Variants in PATJ observed in about 807,000 individuals in gnomAD.
The protein encoded by PATJ is PATJ crumbs cell polarity complex component.
Under a neutral mutation model 224.9 loss-of-function variants are expected in PATJ, and 190 were observed. The observed-to-expected ratio is 0.84, with a 90% CI of 0.75 to 0.95. The LOEUF (loss-of-function observed/expected upper bound fraction) is 0.95, where lower values mean the gene tolerates loss of function less well. Ranked by LOEUF, PATJ falls within the 40% of genes least tolerant of loss-of-function variation. The pLI is 0.00. For synonymous variants in PATJ, 769 were observed against 820.3 expected, an observed-to-expected ratio of 0.94 and a Z score of 1.07; for missense variants, 2,121 against 2,270.3, an observed-to-expected ratio of 0.93 and a Z score of 1.34.
intron 43 of PATJ, among the ~76,000 whole-genome samples, chr1:62,158,821 C>T (rs541214011): frequency 4.0e-5 from 6 of 150,652 alleles, no homozygotes; most frequent in East Asian, 2.0e-4. Context: ...TGGTGGCAGA[C>T]GCCTGTAATA....
chr1:61,891,689 A>G (rs934909641), intron 22 of PATJ, among the ~76,000 whole-genome samples: 1 of 152,230 alleles, frequency 6.6e-6, no homozygotes, highest in African/African-American at 2.4e-5. Flanking sequence ...AGGCCAGAAG[A>G]GACGTAATGT....
chr1:61,991,382 T>G lies in PATJ; in HGVS notation c.3867+1018T>G, dbSNP rs533389933. The G allele has an allele frequency of 1.1e-5, 5 of 468,430 alleles. No individual in the cohort carries two copies. In the East Asian group the frequency reaches 7.6e-4, roughly 71 times the overall value. The allele number at this position is 468,430 out of a possible 1,614,324, so 29.0% of individuals were successfully genotyped here. On this transcript the variant is annotated intron_variant, in intron 28 of 43. Coordinates refer to ENST00000642238, the MANE Select transcript of PATJ (RefSeq NM_001350145.3). ...CCTATTTGTTAAAATGTTCCAACTT[T>G]AGGACATTTAGGGGAGCTAAATCAT...
intron 22 of PATJ, 40 bp downstream of exon 22, chr1:61,884,448 G>C (rs775741776): frequency 1.7e-5 from 11 of 651,984 alleles, no homozygotes; most frequent in Non-Finnish European, 2.3e-5. Flanking sequence ...TTATAAAATA[G>C]TGGTTTTTTT....
chr1:62,020,280 G>A (rs934701658), intron 29 of PATJ, among the ~76,000 whole-genome samples: 2 of 152,142 alleles, frequency 1.3e-5, no homozygotes, highest in Non-Finnish European at 2.9e-5. Flanking sequence ...AATGTACTAT[G>A]TACATATGCA....
chr1:61,929,211 A>G (rs1295400428), intron 27 of PATJ, among the ~76,000 whole-genome samples: 4 of 151,920 alleles, frequency 2.6e-5, no homozygotes, highest in Admixed American at 2.6e-4. Flanking sequence ...AATTGTTGTT[A>G]CTCCATACAT....
rs1668829024 is a variant in PATJ, at chr1:62,153,402, G to T, written c.5423G>T (p.Gly1808Val). The T allele has an allele frequency of 8.1e-7, 1 of 1,231,574 alleles. No homozygotes were observed. Among genetic ancestry groups the T allele is most frequent in the Non-Finnish European group, 1.0e-6 (1 of 987,576 alleles). The allele number at this position is 1,231,574 out of a possible 1,614,324, so 76.3% of individuals were successfully genotyped here. ...ATTACTTTGGAGAAAGGCTCTGAAG[G>T]CTTGGGGTTTAGTATTGTAGGGGGT... Reference protein sequence around the residue: ...KIITLEKGSEGLGFSIVGGYG... With the variant: ...KIITLEKGSEVLGFSIVGGYG... Residue 1808 changes from glycine (G) to valine (V), a missense_variant, in exon 43 of 44, where the codon GGC (glycine) becomes GTC (valine). By Grantham distance (109) the Gly-to-Val change is moderately radical. Coordinates refer to ENST00000642238, the MANE Select transcript of PATJ (RefSeq NM_001350145.3).
intron 31 of PATJ, among the ~76,000 whole-genome samples, chr1:62,064,327 CTT>C (rs201359731): frequency 4.5e-4 from 61 of 135,682 alleles, no homozygotes; most frequent in Admixed American, 5.3e-4. Context: ...AGCCATAATG[CTT>C]TTTTTTTTTT....
At chr1:61,901,927 T>C (rs1671214020) in intron 24 of PATJ, among the ~76,000 whole-genome samples, 1 of 152,054 alleles carries the variant, frequency 6.6e-6, no homozygotes, top group South Asian at 2.1e-4. Context: ...GCGCTAAGTT[T>C]TAAAGGCACA....
In PATJ at chr1:61,929,730, A is replaced by G. The variant is rs116594442; in HGVS notation, c.3670+1901A>G. Among the ~76,000 whole-genome samples, 824 of 152,290 alleles carry G rather than the reference A, an allele frequency of 5.4e-3. 7 individuals are homozygous for G. The highest frequency in any genetic ancestry group is 0.031 in the Middle Eastern group (9 of 294). Reference sequence around the variant, plus strand: ...CTTAAAACTCATTATGATTGCAGAAATAGGTACAGCTGGGCACAGTGGCTC... The same window carrying G: ...CTTAAAACTCATTATGATTGCAGAAGTAGGTACAGCTGGGCACAGTGGCTC... On this transcript the variant is annotated intron_variant, in intron 27 of 43. Coordinates refer to ENST00000642238, the MANE Select transcript of PATJ (RefSeq NM_001350145.3).
intron 22 of PATJ, among the ~76,000 whole-genome samples, chr1:61,886,393 G>A (rs774010212): frequency 3.3e-5 from 5 of 152,262 alleles, no homozygotes; most frequent in South Asian, 4.1e-4. Flanking sequence ...AAGTTTTCCC[G>A]GGGCTTGGCC....
At chr1:61,927,662 T>G in intron 26 of PATJ, 68 bp from the exon 27 acceptor site, 1 of 987,522 alleles carries the variant, frequency 1.0e-6, no homozygotes, top group Non-Finnish European at 1.6e-6. Context: ...TTTTTATGCT[T>G]TTTGTCATTG....
chr1:62,089,906 A>G (rs1660509907), intron 33 of PATJ, among the ~76,000 whole-genome samples: 1 of 152,168 alleles, frequency 6.6e-6, no homozygotes, highest in Non-Finnish European at 1.5e-5. Flanking sequence ...GGGAAAGAGT[A>G]TGTCCTGACT....
intron 18 of PATJ, among the ~76,000 whole-genome samples, chr1:61,861,280 CTTTCTTTTTT>C (rs1237719283): frequency 1.7e-4 from 5 of 28,648 alleles, no homozygotes; most frequent in Non-Finnish European, 4.1e-4. Context: ...TATTTTCTTT[CTTTCTTTTTT>C]TTTTTTTTTT....
At chr1:61,871,132 A>T (rs1278884326) in intron 20 of PATJ, among the ~76,000 whole-genome samples, 34 of 75,624 alleles carry the variant, frequency 4.5e-4, no homozygotes, top group East Asian at 7.4e-4. Flanking sequence ...CTATGTTCTT[A>T]TTTTCTTCTC....
chr1:62,112,334 C>T (rs1289950221), intron 34 of PATJ, among the ~76,000 whole-genome samples: 1 of 151,998 alleles, frequency 6.6e-6, no homozygotes, highest in Non-Finnish European at 1.5e-5. Flanking sequence ...GGTGAAACCC[C>T]GTCTCTACTA....
intron 8 of PATJ, 116 bp downstream of exon 8, chr1:61,788,088 T>G: frequency 1.6e-6 from 1 of 641,650 alleles, no homozygotes. Flanking sequence ...CGCTCACTAG[T>G]GAAACAGGAA....
At chr1:61,749,688 T>C (rs1245721640) in intron 1 of PATJ, among the ~76,000 whole-genome samples, 1 of 151,846 alleles carries the variant, frequency 6.6e-6, no homozygotes, top group Non-Finnish European at 1.5e-5. Flanking sequence ...TGGTGTTTTT[T>C]TTTTTGGAGA....
intron 30 of PATJ, chr1:62,039,241 A>T (rs1651012953): frequency 2.9e-6 from 1 of 350,846 alleles, no homozygotes; most frequent in South Asian, 3.0e-5. Context: ...TTTTCTATTT[A>T]CTTAAGAGTA....
rs757517839 is a variant in PATJ at position 62,121,223 on chromosome 1, G to A, written c.4933G>A (p.Ala1645Thr). Residue 1645 changes from alanine (A) to threonine (T), a missense_variant, in exon 38 of 44, where the codon GCT becomes ACT. By Grantham distance (58) the Ala-to-Thr change is moderately conservative. Transcript: ENST00000642238. ...SAHSSCHPSF[A>T]PVITGLQNLV... ...ACACAGCAGCTGTCATCCCTCCTTC[G>A]CTCCTGTCATCACTGGCCTGCAAAA... 13 of 1,613,674 alleles carry A rather than the reference G, an allele frequency of 8.1e-6. No individual in the cohort carries two copies. Among genetic ancestry groups the A allele is most frequent in the Middle Eastern group, 1.7e-4 (1 of 6,060 alleles).
Sources: allele counts gnomAD v4.1 joint callset (sites outside exome capture counted in the v4.1 genomes callset), GRCh38; gene constraint gnomAD v4.1.1; transcripts MANE v1.5; gene names NCBI Gene and HGNC (gene_info 2026-07-23, HGNC 2026-07-21).